Variants in PICALM observed in about 807,000 individuals in gnomAD.
The protein encoded by PICALM is phosphatidylinositol binding clathrin assembly protein.
Under a neutral mutation model 80.5 loss-of-function variants are expected in PICALM, and 40 were observed. The observed-to-expected ratio is 0.50, with a 90% CI of 0.39 to 0.65. PICALM has a LOEUF of 0.65. Among genes scored for constraint, PICALM ranks in the 30% least tolerant of loss-of-function variants. PICALM has a pLI of 0.00. For synonymous variants in PICALM, 288 were observed against 260.3 expected (o/e 1.11, Z -1.02); for missense variants, 676 against 778.9 (o/e 0.87, Z 1.57).
chr11:85,999,556 A>T (rs1427553656), intron 11 of PICALM, among the ~76,000 whole-genome samples: 1 of 152,202 alleles, frequency 6.6e-6, no homozygotes, highest in African/African-American at 2.4e-5. Context: ...ATACATGAGC[A>T]AACAAATCAT....
At chr11:85,962,222 A>G (rs1212210098) in intron 19 of PICALM, among the ~76,000 whole-genome samples, 1 of 152,166 alleles carries the variant, frequency 6.6e-6, no homozygotes, top group African/African-American at 2.4e-5. Flanking sequence ...CAGCGCAACC[A>G]CGGACGGCCA....
rs34969258 is a variant in PICALM at position 85,966,215 on chromosome 11, TC to T, written c.1945-7156del. 6.0e-5 allele frequency among the ~76,000 whole-genome samples: 9 copies of T among 149,254 alleles called. No individual in the cohort carries two copies. In the South Asian group the frequency reaches 6.4e-4, roughly 11 times the overall value. ...ATCTGAACCTCTCTAAAACTGTTTT[TC>T]CCCCCCCAAAGACAGGGTCTAGCTC... On this transcript the variant is annotated intron_variant, in intron 19 of 19. Coordinates refer to ENST00000393346, the MANE Select transcript of PICALM (RefSeq NM_007166.4).
intron 12 of PICALM, among the ~76,000 whole-genome samples, chr11:85,992,465 A>G (rs909469799): frequency 2.6e-5 from 4 of 151,724 alleles, no homozygotes; most frequent in African/African-American, 7.3e-5. Context: ...TTCTATTTTT[A>G]GTAGAGACGG....
chr11:85,984,119 T>C, intron 13 of PICALM, 146 bp from the exon 14 acceptor site: 1 of 559,708 alleles, frequency 1.8e-6, no homozygotes. Context: ...GTTTTCTATA[T>C]CACATTTTTC....
At chr11:85,979,255 T>C (rs896991305) in intron 17 of PICALM, among the ~76,000 whole-genome samples, 10 of 152,104 alleles carry the variant, frequency 6.6e-5, no homozygotes, top group African/African-American at 2.4e-4. Flanking sequence ...TCTGGGAGGC[T>C]GAGGCGGGTG....
rs147746874 is a variant in PICALM, at chr11:86,032,167, A to G, written c.131-556T>C. On this transcript the variant is annotated intron_variant, in intron 1 of 19. Transcript: ENST00000393346. ...TTGGATCTGTTTGTTCATACAAAAG[A>G]TTTATACTCCTTCTCTCCCCTCTGT... 6.1e-3 allele frequency among the ~76,000 whole-genome samples: 931 copies of G among 152,280 alleles called. 3 individuals carry two copies. Among genetic ancestry groups the G allele is most frequent in the Non-Finnish European group, 8.9e-3 (608 of 68,030 alleles).
At chr11:86,068,323 T>C (rs2096475837) in intron 1 of PICALM, among the ~76,000 whole-genome samples, 1 of 151,748 alleles carries the variant, frequency 6.6e-6, no homozygotes, top group Admixed American at 6.6e-5. Context: ...AAGGCTGCAG[T>C]GGAGACGGGT....
chr11:86,008,850 G>C (rs2095330682), intron 7 of PICALM, among the ~76,000 whole-genome samples: 1 of 151,240 alleles, frequency 6.6e-6, no homozygotes, highest in East Asian at 1.9e-4. Context: ...CAGCTCTCAG[G>C]GAGGCTAAGA....
rs138168575 is a variant in PICALM, at chr11:85,992,360, T to C, written c.1259-1961A>G. Among the ~76,000 whole-genome samples the C allele has an allele frequency of 3.4e-3, 511 of 151,702 alleles. 3 individuals are homozygous for C. Among genetic ancestry groups the C allele is most frequent in the South Asian group, 0.011 (51 of 4,796 alleles). On this transcript the variant is annotated intron_variant, in intron 12 of 19. Coordinates refer to ENST00000393346, the MANE Select transcript of PICALM (RefSeq NM_007166.4). Reference sequence around the variant, plus strand: ...AGGGCAATGGTGTGATCTCAGCTCATTGCAACTTCCGCTTCCTGGGTTCAA... The same window carrying C: ...AGGGCAATGGTGTGATCTCAGCTCACTGCAACTTCCGCTTCCTGGGTTCAA...
intron 1 of PICALM, among the ~76,000 whole-genome samples, chr11:86,056,821 G>A (rs890754176): frequency 6.6e-6 from 1 of 152,154 alleles, no homozygotes; most frequent in African/African-American, 2.4e-5. Context: ...AACTATACAA[G>A]GGAGTATTAC....
intron 2 of PICALM, among the ~76,000 whole-genome samples, chr11:86,027,271 G>A (rs896307966): frequency 5.0e-4 from 76 of 152,142 alleles, no homozygotes; most frequent in African/African-American, 1.8e-3. Flanking sequence ...TGAATTATTA[G>A]GCCAGCACAT....
At chr11:86,056,447 C>T (rs1030362667) in intron 1 of PICALM, among the ~76,000 whole-genome samples, 89 of 151,626 alleles carry the variant, frequency 5.9e-4, no homozygotes, top group African/African-American at 2.0e-3. Context: ...AAACCAAAAT[C>T]ACAATGACAT....
chr11:86,068,495 A>G (rs866964377), intron 1 of PICALM, among the ~76,000 whole-genome samples, 156 bp downstream of exon 1: 2 of 152,136 alleles, frequency 1.3e-5, no homozygotes, highest in Non-Finnish European at 2.9e-5. Context: ...TGATGGAAGC[A>G]AAAGAACACA....
intron 19 of PICALM, among the ~76,000 whole-genome samples, chr11:85,961,934 A>G (rs1024274349): frequency 2.0e-5 from 3 of 152,128 alleles, no homozygotes; most frequent in African/African-American, 4.8e-5. Context: ...GCTTCGGCAA[A>G]TATTACATCA....
At chr11:86,068,181 T>C (rs2096473021) in intron 1 of PICALM, among the ~76,000 whole-genome samples, 2 of 151,956 alleles carry the variant, frequency 1.3e-5, no homozygotes, top group Non-Finnish European at 2.9e-5. Context: ...CCCGGAGGGA[T>C]AACAAGGATC....
At chr11:85,998,701 C>A (rs1180628300) in intron 11 of PICALM, among the ~76,000 whole-genome samples, 1 of 152,068 alleles carries the variant, frequency 6.6e-6, no homozygotes, top group Non-Finnish European at 1.5e-5. Context: ...ATGCTTGAGC[C>A]CAGGAGGTTG....
chr11:85,994,690 G>A (rs1200176354), intron 12 of PICALM, among the ~76,000 whole-genome samples: 1 of 152,194 alleles, frequency 6.6e-6, no homozygotes, highest in Non-Finnish European at 1.5e-5. Flanking sequence ...AGCATTTAAT[G>A]TTATGATCTA....
At chr11:86,067,674 T>TA (rs2096465793) in intron 1 of PICALM, among the ~76,000 whole-genome samples, 1 of 152,252 alleles carries the variant, frequency 6.6e-6, no homozygotes, top group Non-Finnish European at 1.5e-5. Context: ...GGATGTATGT[T>TA]ATTTGTAAGT....
chr11:85,966,129 A>G (rs1327148897), intron 19 of PICALM, among the ~76,000 whole-genome samples: 1 of 151,940 alleles, frequency 6.6e-6, no homozygotes, highest in East Asian at 1.9e-4. Flanking sequence ...CGCATTACGC[A>G]TTTTGTTTTA....
Sources: gnomAD v4.1 joint callset for allele counts (sites outside exome capture counted in the v4.1 genomes callset) on GRCh38, gnomAD v4.1.1 for gene constraint, MANE v1.5 for transcripts, NCBI Gene and HGNC (gene_info 2026-07-23, HGNC 2026-07-21) for gene names.